The following MYO6 variants were observed in gnomAD, a reference collection of about 807,000 sequenced individuals.
MYO6 encodes the protein unconventional myosin-VI.
MYO6 carries 74 observed loss-of-function variants against 178.7 expected under a neutral mutation model. The observed-to-expected ratio is 0.41, with a 90% CI of 0.34 to 0.50. The LOEUF is 0.50. MYO6 is among the 20% of genes least tolerant of loss of function. MYO6 has a pLI of 0.09. For missense variants in MYO6, 1,330 were observed against 1,547.4 expected (o/e 0.86, Z 2.36); for synonymous variants, 477 against 504.6 (o/e 0.95, Z 0.73).
chr6:75,768,684 T>C (rs1370777966), intron 1 of MYO6, among the ~76,000 whole-genome samples: 1 of 152,058 alleles, frequency 6.6e-6, no homozygotes. Flanking sequence ...GCCTGGCCAA[T>C]AATTCATTTT....
chr6:75,835,043 G>A (rs1163485373), intron 6 of MYO6, among the ~76,000 whole-genome samples: 1 of 152,122 alleles, frequency 6.6e-6, no homozygotes, highest in East Asian at 1.9e-4. Context: ...CAGGCAAATA[G>A]TTATTTCTCT....
chr6:75,890,247 A>G lies in MYO6; in HGVS notation c.2849A>G (p.Glu950Gly), dbSNP rs773499309. 3.1e-6 allele frequency: 5 copies of G among 1,613,642 alleles called. No individual in the cohort carries two copies. The East Asian group carries it at 1.1e-4, about 36-fold the overall frequency. ...GAAGACGAAAAACGTCGAAGAAAGG[A>G]AGAGGAGGAAAGGCGGATGTGAGGC... ...REEDEKRRRK[E>G]EEERRMKLEM... The change falls in exon 26 of 35, where the codon GAA becomes GGA. Residue 950 changes from glutamate (E) to glycine (G), a missense_variant. Glu to Gly is a moderately conservative substitution (Grantham distance 98). Around this residue, in one of 3 missense-constraint regions of MYO6, gnomAD observed 601 missense variants for 626.1 expected, o/e 0.96. Coordinates refer to ENST00000369977, the MANE Select transcript of MYO6 (RefSeq NM_004999.4).
chr6:75,767,500 T>C (rs1778531558), intron 1 of MYO6, among the ~76,000 whole-genome samples: 1 of 150,482 alleles, frequency 6.6e-6, no homozygotes, highest in Non-Finnish European at 1.5e-5. Context: ...GGTTCATAAA[T>C]ACACATGATT....
At chr6:75,819,872 A>G (rs1771699382) in intron 2 of MYO6, among the ~76,000 whole-genome samples, 1 of 152,152 alleles carries the variant, frequency 6.6e-6, no homozygotes, top group Non-Finnish European at 1.5e-5. Flanking sequence ...TGGGCGACAT[A>G]GTGAGACCTC....
chr6:75,842,874 C>T (rs1166973158), intron 9 of MYO6, among the ~76,000 whole-genome samples: 3 of 152,222 alleles, frequency 2.0e-5, no homozygotes, highest in African/African-American at 7.2e-5. Context: ...AATGTACAGC[C>T]TTTCCTGGTA....
chr6:75,799,494 A>G (rs999526513), intron 1 of MYO6, among the ~76,000 whole-genome samples: 1 of 152,142 alleles, frequency 6.6e-6, no homozygotes, highest in Non-Finnish European at 1.5e-5. Flanking sequence ...TCATTTTTGT[A>G]ATTCATCATC....
chr6:75,779,642 T>G (rs2150047573), intron 1 of MYO6, among the ~76,000 whole-genome samples: 1 of 152,378 alleles, frequency 6.6e-6, no homozygotes, highest in South Asian at 2.1e-4. Context: ...AACTATATAT[T>G]GTGTTCATTA....
intron 13 of MYO6, among the ~76,000 whole-genome samples, chr6:75,858,341 C>T (rs1471959008): frequency 2.0e-5 from 3 of 152,174 alleles, no homozygotes; most frequent in African/African-American, 2.4e-5. Context: ...TGCGGTGGCT[C>T]ATGCCTGTAA....
At chr6:75,787,589 T>TGAAATTGACTACAAAGGGGGCATGAGG (rs1466324236) in intron 1 of MYO6, among the ~76,000 whole-genome samples, 1 of 143,100 alleles carries the variant, frequency 7.0e-6, no homozygotes, top group East Asian at 2.1e-4. Flanking sequence ...GAAAGGCAAA[T>TGAAATTGACTACAAAGGGGGCATGAGG]GAAATTGACT....
At chr6:75,849,738 G>T (rs1374349787) in intron 11 of MYO6, among the ~76,000 whole-genome samples, 1 of 152,182 alleles carries the variant, frequency 6.6e-6, no homozygotes, top group Non-Finnish European at 1.5e-5. Context: ...AATACGTGCA[G>T]GGGGAAGATG....
chr6:75,846,155 A>G (rs879808945), intron 10 of MYO6, among the ~76,000 whole-genome samples: 9 of 151,964 alleles, frequency 5.9e-5, no homozygotes, highest in Non-Finnish European at 1.0e-4. Flanking sequence ...TCTTAATGTA[A>G]AAATTTACAA....
At chr6:75,789,543 TC>T (rs1247590982) in intron 1 of MYO6, among the ~76,000 whole-genome samples, 1 of 152,132 alleles carries the variant, frequency 6.6e-6, no homozygotes, top group Non-Finnish European at 1.5e-5. Flanking sequence ...GTTTTGTTTT[TC>T]ACCTGCCCCT....
At chr6:75,861,293 C>G (rs893733261) in intron 15 of MYO6, among the ~76,000 whole-genome samples, 198 bp downstream of exon 15, 2 of 152,034 alleles carry the variant, frequency 1.3e-5, no homozygotes, top group African/African-American at 2.4e-5. Flanking sequence ...TGGAAGTTTT[C>G]TATAATCTCT....
intron 1 of MYO6, among the ~76,000 whole-genome samples, chr6:75,792,539 T>C (rs1768354499): frequency 6.6e-6 from 1 of 152,216 alleles, no homozygotes; most frequent in African/African-American, 2.4e-5. Flanking sequence ...TGACGTTTCC[T>C]ATTTCTACCT....
At chr6:75,781,307 C>G (rs1193659260) in intron 1 of MYO6, among the ~76,000 whole-genome samples, 3 of 152,042 alleles carry the variant, frequency 2.0e-5, no homozygotes, top group Non-Finnish European at 2.9e-5. Flanking sequence ...GAGAGATTTG[C>G]TTAATTTTTG....
At position 75,857,363 on chromosome 6, in the gene MYO6, G is replaced by A. The variant is rs970404173; in HGVS notation, c.1381+109G>A. The A allele has an allele frequency of 3.1e-5, 33 of 1,073,442 alleles. No individual in the cohort carries two copies. The South Asian group carries it at 4.2e-4, about 14-fold the overall frequency. 66.5% of individuals were successfully genotyped at this position (1,073,442 alleles called of 1,614,324 possible). ...GTAACTCATTTTACTTGATGTATGT[G>A]TAATTATATGTCCACACTCACATTT... On this transcript the variant is annotated intron_variant, in intron 13 of 34. Transcript: ENST00000369977.
Position 75,835,960 on chromosome 6 carries a change from T to C in MYO6, c.553+4T>C, listed in dbSNP as rs1399140765. ...ATTGATGACAGAATTGTTGAAGGTA[T>C]TGCTAATTTTTCAGTTGTTACGCGT... On this transcript the variant is annotated splice_donor_region_variant and intron_variant, in intron 7 of 34. Coordinates refer to ENST00000369977, the MANE Select transcript of MYO6 (RefSeq NM_004999.4). 3.1e-6 allele frequency: 5 copies of C among 1,598,052 alleles called. No homozygotes were observed. The highest frequency in any genetic ancestry group is 4.3e-6 in the Non-Finnish European group (5 of 1,165,434).
intron 13 of MYO6, 131 bp from the exon 14 acceptor site, chr6:75,858,771 A>G (rs1319697003): frequency 1.6e-6 from 1 of 642,580 alleles, no homozygotes; most frequent in East Asian, 2.9e-5. Context: ...GAAGTATAGA[A>G]CAAATATATA....
intron 1 of MYO6, among the ~76,000 whole-genome samples, chr6:75,786,976 A>C (rs999574546): frequency 6.6e-6 from 1 of 152,214 alleles, no homozygotes; most frequent in Non-Finnish European, 1.5e-5. Context: ...AGCAAAGATA[A>C]GTCCCAGATT....
Sources: allele counts gnomAD v4.1 joint callset (sites outside exome capture counted in the v4.1 genomes callset), GRCh38; gene constraint gnomAD v4.1.1; regional missense constraint gnomAD v4.1.1; transcripts MANE v1.5; gene names NCBI Gene and HGNC (gene_info 2026-07-23, HGNC 2026-07-21).